Variants in SLC24A2 observed in about 807,000 individuals in gnomAD.
SLC24A2 encodes the protein solute carrier family 24 member 2.
In SLC24A2, 36 loss-of-function variants were observed where a neutral mutation model predicts 62.0. That is an observed-to-expected ratio of 0.58 (90% CI 0.44 to 0.77). The LOEUF is 0.77. Among genes scored for constraint, SLC24A2 ranks in the 30% least tolerant of loss-of-function variants. The pLI is 0.00. For missense variants in SLC24A2, 846 were observed against 817.9 expected, an observed-to-expected ratio of 1.03 and a Z score of -0.42; for synonymous variants, 358 against 294.0, an observed-to-expected ratio of 1.22 and a Z score of -2.23.
rs747184550 is a variant in SLC24A2 at position 19,632,133 on chromosome 9, G to C, written c.931-9834C>G. On this transcript the variant is annotated intron_variant, in intron 2 of 10. Coordinates refer to ENST00000341998, the MANE Select transcript of SLC24A2 (RefSeq NM_020344.4). This position sits in a 1 kb window ranked among gnomAD's most constrained non-coding sequence, Gnocchi z 4.5. The stretch of plus-strand genomic sequence containing the variant: ...CAGTTACCTTCTCAATTGTCCCTGG[G>C]GCTGATGCAGTTTAGGGTAGAGTGA... 2.0e-5 allele frequency among the ~76,000 whole-genome samples: 3 copies of C among 152,078 alleles called. No individual in the cohort carries two copies. Among genetic ancestry groups the C allele is most frequent in the Non-Finnish European group, 4.4e-5 (3 of 68,020 alleles).
chr9:20,256,047 G>C, the SLC24A2 span, among the ~76,000 whole-genome samples: 2 of 152,188 alleles, frequency 1.3e-5, no homozygotes, highest in Non-Finnish European at 2.9e-5. Flanking sequence ...GAAGGGCAGA[G>C]AGTGAGAGAG....
At chr9:19,951,189 C>G in the SLC24A2 span, among the ~76,000 whole-genome samples, 7 of 151,382 alleles carry the variant, frequency 4.6e-5, no homozygotes, top group African/African-American at 1.5e-4. Context: ...AAATCTTCCA[C>G]CAATTTCTTT....
intron 2 of SLC24A2, among the ~76,000 whole-genome samples, chr9:19,712,577 A>G (rs762415064): frequency 1.3e-4 from 20 of 152,146 alleles, no homozygotes; most frequent in Non-Finnish European, 1.6e-4. Context: ...CTGTTACCCT[A>G]TGTGACCTGG....
intron 4 of SLC24A2, among the ~76,000 whole-genome samples, chr9:19,610,653 C>T: frequency 6.6e-6 from 1 of 152,166 alleles, no homozygotes; most frequent in East Asian, 1.9e-4. Flanking sequence ...CAAGCACCTA[C>T]ATAATAACAT....
At chr9:20,212,930 C>T in the SLC24A2 span, among the ~76,000 whole-genome samples, 1 of 151,570 alleles carries the variant, frequency 6.6e-6, no homozygotes, top group African/African-American at 2.4e-5. Context: ...AACAGAAAAC[C>T]AAATACAACA....
chr9:20,084,792 T>C, the SLC24A2 span, among the ~76,000 whole-genome samples: 1 of 152,056 alleles, frequency 6.6e-6, no homozygotes, highest in Non-Finnish European at 1.5e-5. Flanking sequence ...GCTTTAACAA[T>C]GAAAGTACCA....
At chr9:19,718,283 A>AG (rs1820919316) in intron 2 of SLC24A2, among the ~76,000 whole-genome samples, 1 of 58,002 alleles carries the variant, frequency 1.7e-5, no homozygotes, top group East Asian at 5.0e-4. Context: ...CTGATTTAAC[A>AG]CTTTTTTTTT....
At chr9:19,783,851 C>T (rs1823084475) in intron 2 of SLC24A2, among the ~76,000 whole-genome samples, 1 of 151,768 alleles carries the variant, frequency 6.6e-6, no homozygotes, top group Non-Finnish European at 1.5e-5. Context: ...CATTAGTTAA[C>T]CAATGTCAAA....
the SLC24A2 span, among the ~76,000 whole-genome samples, chr9:20,101,957 T>G: frequency 6.6e-6 from 1 of 152,072 alleles, no homozygotes; most frequent in East Asian, 1.9e-4. Flanking sequence ...GAGAGAAAGA[T>G]CTCTTTTTTC....
chr9:19,706,379 C>CTTTTT lies in SLC24A2; in HGVS notation c.930+79553_930+79557dup, dbSNP rs34321235. Among the ~76,000 whole-genome samples the CTTTTT allele has an allele frequency of 6.8e-5, 9 of 131,934 alleles. 4 individuals are homozygous for CTTTTT. Among genetic ancestry groups the CTTTTT allele is most frequent in the Non-Finnish European group, 6.5e-5 (4 of 61,998 alleles). 86.6% of individuals were successfully genotyped at this position (131,934 alleles called of 152,430 possible). ...CACAGCACACTGATGGGTCTTGAAT[C>CTTTTT]TTTTTTTTTTTTTTTTTTGAGACGG... On this transcript the variant is annotated intron_variant, in intron 2 of 10. Coordinates refer to ENST00000341998, the MANE Select transcript of SLC24A2 (RefSeq NM_020344.4).
the SLC24A2 span, among the ~76,000 whole-genome samples, chr9:20,027,504 A>G: frequency 6.6e-6 from 1 of 152,212 alleles, no homozygotes; most frequent in Non-Finnish European, 1.5e-5. Flanking sequence ...TTGTGACAAT[A>G]TTGATGAACG....
chr9:19,528,206 G>T (rs1394888235), intron 8 of SLC24A2, 68 bp from the exon 9 acceptor site: 5 of 1,062,904 alleles, frequency 4.7e-6, no homozygotes, highest in Non-Finnish European at 7.1e-6. Flanking sequence ...GAAATCCAAA[G>T]CTAAAGCCAC....
At chr9:19,571,766 T>C (rs1009548183) in intron 7 of SLC24A2, among the ~76,000 whole-genome samples, 1 of 152,198 alleles carries the variant, frequency 6.6e-6, no homozygotes, top group African/African-American at 2.4e-5. Context: ...GTCTTAGAAA[T>C]TCTGATTCGC....
chr9:19,649,397 T>G (rs943266989), intron 2 of SLC24A2, among the ~76,000 whole-genome samples: 1 of 152,142 alleles, frequency 6.6e-6, no homozygotes. Flanking sequence ...AAAATACTAG[T>G]GCACTTTTAA....
chr9:20,214,806 C>T, the SLC24A2 span, among the ~76,000 whole-genome samples: 1 of 152,098 alleles, frequency 6.6e-6, no homozygotes, highest in Admixed American at 6.5e-5. Context: ...AACTGACATT[C>T]ACATAAAGCT....
At chr9:19,689,707 C>T (rs921561934) in intron 2 of SLC24A2, among the ~76,000 whole-genome samples, 3 of 152,140 alleles carry the variant, frequency 2.0e-5, no homozygotes, top group African/African-American at 7.2e-5. Flanking sequence ...TCCTGCCCAG[C>T]ACCTACCTCT....
chr9:20,181,872 T>C, the SLC24A2 span, among the ~76,000 whole-genome samples: 74 of 152,294 alleles, frequency 4.9e-4, no homozygotes, highest in Non-Finnish European at 9.7e-4. Context: ...GAGAAAAATT[T>C]TGCAATCTAT....
intron 2 of SLC24A2, among the ~76,000 whole-genome samples, chr9:19,687,514 G>A (rs760587695): frequency 7.9e-5 from 12 of 152,034 alleles, no homozygotes; most frequent in Admixed American, 2.0e-4. Flanking sequence ...TAGCTATGAC[G>A]GAAAATGTTT....
chr9:20,197,448 T>TC, the SLC24A2 span, among the ~76,000 whole-genome samples: 1 of 148,670 alleles, frequency 6.7e-6, no homozygotes, highest in African/African-American at 2.5e-5. Context: ...TTTTTTTTTT[T>TC]TGAGACTGGG....
Sources: gnomAD v4.1 joint callset for allele counts (sites outside exome capture counted in the v4.1 genomes callset) on GRCh38, gnomAD v4.1.1 for gene constraint, Gnocchi (gnomAD v3.1) non-coding constraint, MANE v1.5 for transcripts, NCBI Gene and HGNC (gene_info 2026-07-23, HGNC 2026-07-21) for gene names.